The following SPAG16 variants were observed in gnomAD, a reference collection of about 807,000 sequenced individuals.
The protein encoded by SPAG16 is sperm associated antigen 16.
In SPAG16, 86 loss-of-function variants were observed where a neutral mutation model predicts 80.4. That is an observed-to-expected ratio of 1.07 (90% CI 0.90 to 1.28). SPAG16 has a LOEUF of 1.28. SPAG16 is among the 50% of genes most tolerant of loss of function. The pLI, the probability that SPAG16 is intolerant of heterozygous loss-of-function variation, is 0.00. For missense variants in SPAG16, 870 were observed against 765.3 expected (o/e 1.14, Z -1.61); for synonymous variants, 294 against 265.9 (o/e 1.11, Z -1.03).
intron 7 of SPAG16, among the ~76,000 whole-genome samples, chr2:213,361,882 G>A (rs576406478): frequency 1.3e-5 from 2 of 151,570 alleles, no homozygotes; most frequent in East Asian, 3.9e-4. Flanking sequence ...GAGGAGAGCT[G>A]CACATTACCT....
intron 9 of SPAG16, among the ~76,000 whole-genome samples, chr2:213,388,741 G>A (rs1230457619): frequency 6.6e-6 from 1 of 152,142 alleles, no homozygotes; most frequent in Non-Finnish European, 1.5e-5. Context: ...ATTTAAAGTA[G>A]TGTCAAAAGA....
chr2:213,953,421 G>A (rs1361504179), intron 12 of SPAG16, among the ~76,000 whole-genome samples: 1 of 151,732 alleles, frequency 6.6e-6, no homozygotes, highest in Non-Finnish European at 1.5e-5. Context: ...ATATAAAAAA[G>A]TAATATGTCA....
At chr2:213,861,151 T>G (rs772829301) in intron 10 of SPAG16, among the ~76,000 whole-genome samples, 1 of 152,200 alleles carries the variant, frequency 6.6e-6, no homozygotes, top group Non-Finnish European at 1.5e-5. Context: ...AAACAATGTT[T>G]CACTAGAAAG....
chr2:213,331,697 G>T (rs536817917), intron 5 of SPAG16, among the ~76,000 whole-genome samples: 1 of 152,066 alleles, frequency 6.6e-6, no homozygotes, highest in Admixed American at 6.5e-5. Context: ...TGACCACGAT[G>T]GAATAAAACT....
chr2:214,016,230 C>CA (rs2047585443), intron 13 of SPAG16, among the ~76,000 whole-genome samples: 1 of 152,122 alleles, frequency 6.6e-6, no homozygotes, highest in African/African-American at 2.4e-5. Context: ...TTAATGAACT[C>CA]ACAGTTCCTT....
chr2:213,608,394 A>G (rs746320875), intron 10 of SPAG16, among the ~76,000 whole-genome samples: 10 of 151,938 alleles, frequency 6.6e-5, no homozygotes, highest in Non-Finnish European at 1.5e-4. Context: ...TCATTGTTCA[A>G]TTCCCACCTA....
At chr2:213,426,502 T>C (rs16850325) in intron 9 of SPAG16, among the ~76,000 whole-genome samples, 3,517 of 152,110 alleles carry the variant, frequency 0.023, 53 homozygotes, top group South Asian at 0.038. Flanking sequence ...TAATAAATGG[T>C]TCATTTTTCA....
At chr2:213,854,768 C>T (rs1575362036) in intron 10 of SPAG16, among the ~76,000 whole-genome samples, 1 of 152,254 alleles carries the variant, frequency 6.6e-6, no homozygotes, top group East Asian at 1.9e-4. Context: ...AGAATTCAAA[C>T]TCACATCTTA....
At chr2:213,878,687 G>A (rs62192604) in intron 11 of SPAG16, among the ~76,000 whole-genome samples, 1 of 151,930 alleles carries the variant, frequency 6.6e-6, no homozygotes, top group Non-Finnish European at 1.5e-5. Flanking sequence ...TTTGGTTTTT[G>A]TTGCTTGTGC....
At chr2:213,581,084 CAGAG>C (rs1171636221) in intron 10 of SPAG16, among the ~76,000 whole-genome samples, 1 of 152,096 alleles carries the variant, frequency 6.6e-6, no homozygotes, top group Non-Finnish European at 1.5e-5. Context: ...CCCAGAGACA[CAGAG>C]AGTTTAATAA....
intron 10 of SPAG16, among the ~76,000 whole-genome samples, chr2:213,533,000 A>G (rs1230814895): frequency 6.6e-6 from 1 of 152,236 alleles, no homozygotes; most frequent in African/African-American, 2.4e-5. Context: ...CATTCAAAAA[A>G]TAAACATTAT....
intron 7 of SPAG16, among the ~76,000 whole-genome samples, chr2:213,356,562 T>C (rs1413455917): frequency 6.6e-6 from 1 of 152,228 alleles, no homozygotes; most frequent in Non-Finnish European, 1.5e-5. Context: ...TCTCTGATGG[T>C]AGTTTGTATT....
At chr2:213,800,889 C>T (rs2662664) in intron 10 of SPAG16, among the ~76,000 whole-genome samples, 2 of 152,072 alleles carry the variant, frequency 1.3e-5, no homozygotes, top group African/African-American at 4.8e-5. Context: ...TGTGTTTTGC[C>T]GCAGCAGAAA....
intron 10 of SPAG16, among the ~76,000 whole-genome samples, chr2:213,861,750 A>T (rs2075475847): frequency 6.6e-6 from 1 of 152,190 alleles, no homozygotes; most frequent in Non-Finnish European, 1.5e-5. Context: ...GAGCTCCAGT[A>T]TTAAAATAGC....
intron 15 of SPAG16, among the ~76,000 whole-genome samples, chr2:214,390,678 G>C (rs1466707933): frequency 6.6e-6 from 1 of 152,146 alleles, no homozygotes; most frequent in Non-Finnish European, 1.5e-5. Flanking sequence ...AGAGGCAGGG[G>C]AGCACAGCCT....
At chr2:214,255,779 G>A (rs1322557421) in intron 15 of SPAG16, among the ~76,000 whole-genome samples, 1 of 151,952 alleles carries the variant, frequency 6.6e-6, no homozygotes, top group Non-Finnish European at 1.5e-5. Context: ...TTCTTCATAT[G>A]TGTTAATGTG....
chr2:214,095,227 G>T (rs2052505664), intron 13 of SPAG16, among the ~76,000 whole-genome samples: 1 of 152,028 alleles, frequency 6.6e-6, no homozygotes, highest in African/African-American at 2.4e-5. Context: ...CTTGAGAATT[G>T]TGTGTTTCTC....
rs1175910690 is a variant in SPAG16 at position 214,250,747 on chromosome 2, T to TAG, written c.1720+101482_1720+101483insGA. Among the ~76,000 whole-genome samples the TAG allele has an allele frequency of 2.6e-3, 232 of 90,428 alleles. 3 individuals carry two copies. Among genetic ancestry groups the TAG allele is most frequent in the South Asian group, 0.016 (39 of 2,418 alleles). 59.3% of individuals were successfully genotyped at this position (90,428 alleles called of 152,430 possible). A position where few individuals can be genotyped will look rare whatever the true frequency, so the allele number is the denominator to read the frequency against. On this transcript the variant is annotated intron_variant, in intron 15 of 15. Transcript: ENST00000331683. ...AGGAGCTTTGAGATATATATATATA[T>TAG]ATATATATATAGAGAGAGAGAGAGA...
rs1575378884 is a variant in SPAG16, at chr2:213,859,218, T to TAAAA, written c.1071-3267_1071-3266insAAAA. Among the ~76,000 whole-genome samples, 33 of 16,894 alleles carry TAAAA rather than the reference T, an allele frequency of 2.0e-3. 8 individuals carry two copies. The highest frequency in any genetic ancestry group is 4.9e-3 in the Admixed American group (6 of 1,216). The allele number at this position is 16,894 out of a possible 152,430, so 11.1% of individuals were successfully genotyped here. ...AAAAAAAAAAAAAAAAAAAAAAAACTCAATGTCCTCTGACAACTTGATGTA... is the reference window on the plus strand; with the variant it reads ...AAAAAAAAAAAAAAAAAAAAAAAACTAAAACAATGTCCTCTGACAACTTGATGTA... On this transcript the variant is annotated intron_variant, in intron 10 of 15. Transcript: ENST00000331683.
Sources: allele counts gnomAD v4.1 joint callset (sites outside exome capture counted in the v4.1 genomes callset), GRCh38; gene constraint gnomAD v4.1.1; transcripts MANE v1.5; gene names NCBI Gene and HGNC (gene_info 2026-07-23, HGNC 2026-07-21).